The following HMGB1 variants were observed in gnomAD, a reference collection of about 807,000 sequenced individuals.
HMGB1 encodes the protein high mobility group box 1.
For synonymous variants in HMGB1, 81 were observed against 84.0 expected, an observed-to-expected ratio of 0.96 and a Z score of 0.19; for missense variants, 79 against 253.5, an observed-to-expected ratio of 0.31 and a Z score of 4.67.
At chr13:30,540,374 TC>T in intron 1 of HMGB1, 1 of 159,180 alleles carries the variant, frequency 6.3e-6, no homozygotes. Flanking sequence ...GATGTGTCTT[TC>T]CCCAGCATGC....
intron 1 of HMGB1, among the ~76,000 whole-genome samples, chr13:30,601,114 T>C (rs376951014): frequency 1.6e-4 from 24 of 152,216 alleles, no homozygotes; most frequent in Non-Finnish European, 3.2e-4. Flanking sequence ...TTCTTTATAA[T>C]TTCCCCCACC....
intron 1 of HMGB1, among the ~76,000 whole-genome samples, chr13:30,517,095 C>G (rs998631746): frequency 2.6e-5 from 4 of 152,186 alleles, no homozygotes; most frequent in African/African-American, 7.2e-5. Context: ...ACCTTAGAAT[C>G]CTATCCAAAT....
chr13:30,609,518 G>C (rs1950494253), intron 1 of HMGB1, among the ~76,000 whole-genome samples: 1 of 152,082 alleles, frequency 6.6e-6, no homozygotes, highest in Non-Finnish European at 1.5e-5. Flanking sequence ...GAGTGTGCCT[G>C]CCTCTCCTCC....
intron 1 of HMGB1, among the ~76,000 whole-genome samples, chr13:30,520,446 C>G (rs886861043): frequency 2.6e-5 from 4 of 151,946 alleles, no homozygotes; most frequent in Non-Finnish European, 5.9e-5. Flanking sequence ...ATGGTGAAAC[C>G]CTGTTTCCAC....
Position 30,525,416 on chromosome 13 carries a change from G to A in HMGB1, c.-14-61722C>T, listed in dbSNP as rs539276587. On this transcript the variant is annotated intron_variant, in intron 1 of 4. Transcript: ENST00000405805. ...GACATCAGATGTGAACCACAGCAAA[G>A]GAAGAGATGAAAGAATAAAGTATCT... Among the ~76,000 whole-genome samples, 254 of 152,256 alleles carry A rather than the reference G, an allele frequency of 1.7e-3. 2 individuals are homozygous for A. The highest frequency in any genetic ancestry group is 6.0e-3 in the African/African-American group (250 of 41,542).
At chr13:30,569,554 T>C (rs1254947004) in intron 1 of HMGB1, among the ~76,000 whole-genome samples, 1 of 152,134 alleles carries the variant, frequency 6.6e-6, no homozygotes, top group Non-Finnish European at 1.5e-5. Flanking sequence ...GTAGGCATTA[T>C]CCCCATTTTA....
chr13:30,484,745 G>A (rs1378297764), intron 1 of HMGB1, among the ~76,000 whole-genome samples: 1 of 151,194 alleles, frequency 6.6e-6, no homozygotes, highest in African/African-American at 2.4e-5. Context: ...AAAGAAGGAG[G>A]AGGAGTAGGA....
chr13:30,551,098 A>G (rs1407874586), intron 1 of HMGB1, among the ~76,000 whole-genome samples: 1 of 152,198 alleles, frequency 6.6e-6, no homozygotes, highest in African/African-American at 2.4e-5. Flanking sequence ...TGAAGAAAGC[A>G]TTTTACCATC....
At chr13:30,593,455 G>A (rs751706168) in intron 1 of HMGB1, among the ~76,000 whole-genome samples, 22 of 152,158 alleles carry the variant, frequency 1.4e-4, no homozygotes, top group African/African-American at 4.6e-4. Context: ...TGGGGAGCCC[G>A]AGTTCATGAT....
intron 1 of HMGB1, among the ~76,000 whole-genome samples, chr13:30,561,675 A>T (rs187986937): frequency 6.6e-6 from 1 of 152,326 alleles, no homozygotes; most frequent in African/African-American, 2.4e-5. Flanking sequence ...GACACTGAAG[A>T]GGCATAGTTA....
chr13:30,462,237 A>C (rs1886393602), intron 4 of HMGB1: 3 of 405,836 alleles, frequency 7.4e-6, no homozygotes, highest in South Asian at 6.3e-5. Flanking sequence ...CTGTATGCCA[A>C]GCCATTTGAA....
chr13:30,538,681 T>TTTCTTTCTTTCC (rs1868672551), intron 1 of HMGB1, among the ~76,000 whole-genome samples: 1 of 24,028 alleles, frequency 4.2e-5, no homozygotes, highest in African/African-American at 1.2e-4. Flanking sequence ...TCTTTCTTTC[T>TTTCTTTCTTTCC]TTCCTTTCTT....
intron 1 of HMGB1, among the ~76,000 whole-genome samples, chr13:30,613,139 G>A (rs1222375056): frequency 6.6e-6 from 1 of 152,100 alleles, no homozygotes; most frequent in Non-Finnish European, 1.5e-5. Flanking sequence ...GAGTGCAGAG[G>A]CACAATATCA....
Position 30,503,161 on chromosome 13 carries a change from C to A in HMGB1, c.-14-39467G>T, listed in dbSNP as rs1887774505. ...ACCATCCTGGCTGACATAGTGAAACCCCGTCTCTACTAAAAATACAAAAAA... is the reference window on the plus strand; with the variant it reads ...ACCATCCTGGCTGACATAGTGAAACACCGTCTCTACTAAAAATACAAAAAA... On this transcript the variant is annotated intron_variant, in intron 1 of 4. Coordinates refer to the HMGB1 transcript ENST00000405805. Among the ~76,000 whole-genome samples the A allele has an allele frequency of 6.7e-5, 3 of 45,112 alleles. No individual in the cohort carries two copies. In the South Asian group the frequency reaches 3.3e-3, roughly 49 times the overall value. The allele number at this position is 45,112 out of a possible 152,430, so 29.6% of individuals were successfully genotyped here.
At chr13:30,468,988 G>A (rs905150377), upstream of HMGB1, among the ~76,000 whole-genome samples, 2 of 151,986 alleles carry the variant, frequency 1.3e-5, no homozygotes, top group Non-Finnish European at 2.9e-5. Flanking sequence ...CCACCTCCCG[G>A]GTTCAAGCAA....
intron 1 of HMGB1, 30 bp from the exon 2 acceptor site, chr13:30,463,724 G>T: frequency 1.4e-6 from 2 of 1,415,736 alleles, no homozygotes; most frequent in Non-Finnish European, 9.6e-7. Flanking sequence ...TTTGATGTTA[G>T]CAATAAAATT....
intron 1 of HMGB1, among the ~76,000 whole-genome samples, chr13:30,562,675 A>G (rs549914058): frequency 6.6e-6 from 1 of 152,342 alleles, no homozygotes; most frequent in Admixed American, 6.5e-5. Context: ...TACGAATCTA[A>G]GAGGTACAAA....
intron 1 of HMGB1, among the ~76,000 whole-genome samples, chr13:30,564,626 A>C (rs1593315260): frequency 6.6e-6 from 1 of 152,210 alleles, no homozygotes; most frequent in Non-Finnish European, 1.5e-5. Flanking sequence ...AGATTTTTCT[A>C]TTGTGGCCAC....
intron 1 of HMGB1, among the ~76,000 whole-genome samples, chr13:30,581,188 A>T (rs1447444104): frequency 6.6e-6 from 1 of 152,236 alleles, no homozygotes; most frequent in African/African-American, 2.4e-5. Context: ...TGAGGGAATC[A>T]GATCCAGAAA....
Sources: allele counts gnomAD v4.1 joint callset (sites outside exome capture counted in the v4.1 genomes callset), GRCh38; gene constraint gnomAD v4.1.1; transcripts MANE v1.5; gene names NCBI Gene and HGNC (gene_info 2026-07-23, HGNC 2026-07-21).